CDH4: variants seen among roughly 807,000 people sequenced by gnomAD.
The protein encoded by CDH4 is cadherin 4.
Under a neutral mutation model 86.0 loss-of-function variants are expected in CDH4, and 33 were observed. The observed-to-expected ratio is 0.38, with a 90% CI of 0.29 to 0.51. CDH4 has a LOEUF of 0.51. CDH4 is among the 20% of genes least tolerant of loss of function. The pLI is 0.86. For synonymous variants in CDH4, 555 were observed against 549.4 expected (o/e 1.01, Z -0.14); for missense variants, 1,114 against 1,307.4 (o/e 0.85, Z 2.28).
chr20:61,625,923 G>A (rs1172931258), intron 2 of CDH4, among the ~76,000 whole-genome samples: 2 of 152,180 alleles, frequency 1.3e-5, no homozygotes, highest in African/African-American at 2.4e-5. Flanking sequence ...TTGACTTCTC[G>A]TCCCACCTCG....
Position 61,269,150 on chromosome 20 carries a change from G to A in CDH4, c.169+14213G>A, listed in dbSNP as rs560984431. On this transcript the variant is annotated intron_variant, in intron 2 of 15. Coordinates refer to ENST00000614565, the MANE Select transcript of CDH4 (RefSeq NM_001794.5). This position sits in a 1 kb window ranked among gnomAD's most constrained non-coding sequence, Gnocchi z 5.3. ...CCCTCCCCATGCCGGGTGCTGCACC[G>A]TACCAGCTGGGTTCATCTGCATGAC... Among the ~76,000 whole-genome samples the A allele has an allele frequency of 2.6e-5, 4 of 152,252 alleles. No homozygotes were observed. The South Asian group carries it at 6.2e-4, about 24-fold the overall frequency.
At chr20:61,820,961 G>A (rs1202743236) in intron 4 of CDH4, among the ~76,000 whole-genome samples, 2 of 152,060 alleles carry the variant, frequency 1.3e-5, no homozygotes, top group Non-Finnish European at 2.9e-5. Context: ...GTTGTGTCCT[G>A]GGCTCCAGGT....
chr20:61,405,881 C>T lies in CDH4; in HGVS notation c.169+150944C>T, dbSNP rs989939131. Among the ~76,000 whole-genome samples, 88 of 152,222 alleles carry T rather than the reference C, an allele frequency of 5.8e-4. 1 individual carries two copies. Among genetic ancestry groups the T allele is most frequent in the Non-Finnish European group, 1.1e-3 (77 of 68,020 alleles). ...ATTTTTAGTAGAGACGGGGTTTCAC[C>T]GTGTTAGCCAAGATGGTCTCGATCT... On this transcript the variant is annotated intron_variant, in intron 2 of 15. Transcript: ENST00000614565.
chr20:61,936,722 GT>G lies in CDH4; in HGVS notation c.2545-14del. ...AACGCGTCCTGCACCCTAACTCTGT[GT>G]CTGTGACCCCCAGGGACTCCGCGCT... On this transcript the variant is annotated splice_polypyrimidine_tract_variant and intron_variant, in intron 15 of 15. Coordinates refer to ENST00000614565, the MANE Select transcript of CDH4 (RefSeq NM_001794.5). The G allele has an allele frequency of 6.6e-7, 1 of 1,519,120 alleles. No homozygotes were observed. 94.1% of individuals were successfully genotyped at this position (1,519,120 alleles called of 1,614,324 possible).
chr20:61,275,866 C>T (rs1179601573), intron 2 of CDH4, among the ~76,000 whole-genome samples: 2 of 152,080 alleles, frequency 1.3e-5, no homozygotes, highest in Non-Finnish European at 2.9e-5. Context: ...TCTCAACTTG[C>T]CTTCTCCCAG....
chr20:61,582,414 T>G lies in CDH4; in HGVS notation c.170-161149T>G, dbSNP rs2086436490. On this transcript the variant is annotated intron_variant, in intron 2 of 15. Coordinates refer to ENST00000614565, the MANE Select transcript of CDH4 (RefSeq NM_001794.5). This position sits in a 1 kb window ranked among gnomAD's most constrained non-coding sequence, Gnocchi z 4.2. ...GGCCATCCCCCTGCCTGGGGCCCTG[T>G]CCGCAAGTCCTTCTCAGAACCATCC... Among the ~76,000 whole-genome samples, 1 of 152,210 alleles carries G rather than the reference T, an allele frequency of 6.6e-6. No individual in the cohort carries two copies. Among genetic ancestry groups the G allele is most frequent in the South Asian group, 2.1e-4 (1 of 4,832 alleles).
intron 2 of CDH4, among the ~76,000 whole-genome samples, chr20:61,520,173 A>G (rs568222784): frequency 2.0e-5 from 3 of 152,120 alleles, no homozygotes; most frequent in African/African-American, 7.2e-5. Flanking sequence ...AACTCAACCC[A>G]TCTGATCTGT....
intron 4 of CDH4, among the ~76,000 whole-genome samples, chr20:61,841,298 T>C (rs1359920836): frequency 6.6e-6 from 1 of 152,216 alleles, no homozygotes; most frequent in East Asian, 1.9e-4. Flanking sequence ...GGCTCTGTAC[T>C]CCACCTCAGC....
rs758931174 is a variant in CDH4, at chr20:61,706,113, T to TAAACC, written c.170-37450_170-37449insAAACC. Among the ~76,000 whole-genome samples the TAAACC allele has an allele frequency of 2.6e-3, 391 of 152,332 alleles. 2 individuals are homozygous for TAAACC. Among genetic ancestry groups the TAAACC allele is most frequent in the Non-Finnish European group, 4.6e-3 (313 of 68,038 alleles). ...TTTAGCCCATGAAACTGGGTGAGGC[T>TAAACC]GGCTGAGGAACAGCCGGCCCGACGC... On this transcript the variant is annotated intron_variant, in intron 2 of 15. Coordinates refer to ENST00000614565, the MANE Select transcript of CDH4 (RefSeq NM_001794.5).
intron 2 of CDH4, among the ~76,000 whole-genome samples, chr20:61,598,358 T>C (rs1185839240): frequency 1.5e-5 from 2 of 136,876 alleles, no homozygotes; most frequent in Non-Finnish European, 3.2e-5. Flanking sequence ...CCGGCCACTG[T>C]CACCTCAGGG....
At position 61,774,790 on chromosome 20, in the gene CDH4, C is replaced by T. The variant is rs527777561; in HGVS notation, c.576+1608C>T. 2.0e-5 allele frequency among the ~76,000 whole-genome samples: 3 copies of T among 152,280 alleles called. No individual in the cohort carries two copies. The East Asian group carries it at 5.8e-4, about 29-fold the overall frequency. On this transcript the variant is annotated intron_variant, in intron 4 of 15. Coordinates refer to ENST00000614565, the MANE Select transcript of CDH4 (RefSeq NM_001794.5). ...AACATGTGGTGTTTGGTTTTCTGTT[C>T]CCACTTTAGTTTGCTAAGGATGATG...
At chr20:61,602,694 T>TA (rs10641053) in intron 2 of CDH4, among the ~76,000 whole-genome samples, 5,341 of 89,056 alleles carry the variant, frequency 0.06, 550 homozygotes, top group African/African-American at 0.16. Flanking sequence ...TTCACTTTAT[T>TA]AAAAAAAAAA....
At chr20:61,254,552 G>A (rs1404250528) in intron 1 of CDH4, among the ~76,000 whole-genome samples, 1 of 152,180 alleles carries the variant, frequency 6.6e-6, no homozygotes. Context: ...TAAGGCCCTG[G>A]CCGGCCTGGC....
At chr20:61,331,406 G>A (rs1469947212) in intron 2 of CDH4, among the ~76,000 whole-genome samples, 1 of 152,020 alleles carries the variant, frequency 6.6e-6, no homozygotes, top group East Asian at 1.9e-4. Context: ...CCGGCACCCA[G>A]AGCCAACTCC....
rs554202115 is a variant in CDH4 at position 61,698,940 on chromosome 20, G to A, written c.170-44623G>A. 8.5e-5 allele frequency among the ~76,000 whole-genome samples: 13 copies of A among 152,208 alleles called. No homozygotes were observed. The East Asian group carries it at 9.6e-4, about 11-fold the overall frequency. On this transcript the variant is annotated intron_variant, in intron 2 of 15. Coordinates refer to ENST00000614565, the MANE Select transcript of CDH4 (RefSeq NM_001794.5). ...GGCAGCTTGATAAGCTACTCACTTC[G>A]CATATGCAAGGATATCCCCACCTTT...
chr20:61,738,550 G>GGT (rs1019075533), intron 2 of CDH4: 1 of 152,290 alleles, frequency 6.6e-6, no homozygotes, highest in Non-Finnish European at 1.5e-5. Flanking sequence ...CTGAGGCAGA[G>GGT]GTGGGGGCCA....
In CDH4 at chr20:61,544,197, C is replaced by T. The variant is rs1331885527; in HGVS notation, c.170-199366C>T. Among the ~76,000 whole-genome samples, 1 of 152,194 alleles carries T rather than the reference C, an allele frequency of 6.6e-6. No individual in the cohort carries two copies. Among genetic ancestry groups the T allele is most frequent in the African/African-American group, 2.4e-5 (1 of 41,456 alleles). On this transcript the variant is annotated intron_variant, in intron 2 of 15. Coordinates refer to ENST00000614565, the MANE Select transcript of CDH4 (RefSeq NM_001794.5). This position sits in a 1 kb window ranked among gnomAD's most constrained non-coding sequence, Gnocchi z 6.5. ...GTTCTCTTTCAGAGATGATGCTGCC[C>T]CGTCTCCCCAGGGGACCTCGGCAAT...
chr20:61,716,753 A>G (rs1413778798), intron 2 of CDH4, among the ~76,000 whole-genome samples: 1 of 152,100 alleles, frequency 6.6e-6, no homozygotes, highest in Non-Finnish European at 1.5e-5. Flanking sequence ...TACTAAAAAT[A>G]CAAAAATTAG....
intron 4 of CDH4, among the ~76,000 whole-genome samples, chr20:61,801,663 C>G (rs928251154): frequency 1.4e-5 from 2 of 145,640 alleles, no homozygotes; most frequent in Admixed American, 6.9e-5. Context: ...ATCTCCTGCC[C>G]TTTCCCGTTT....
Sources: allele counts gnomAD v4.1 joint callset (sites outside exome capture counted in the v4.1 genomes callset), GRCh38; gene constraint gnomAD v4.1.1; non-coding constraint Gnocchi (gnomAD v3.1); transcripts MANE v1.5; gene names NCBI Gene and HGNC (gene_info 2026-07-23, HGNC 2026-07-21).